CLIC6: variants seen among roughly 807,000 people sequenced by gnomAD.
CLIC6 encodes the protein CLIC family member 6.
CLIC6 carries 39 observed loss-of-function variants against 49.2 expected under a neutral mutation model. The ratio of observed to expected loss-of-function variants is 0.79; its 90% CI spans 0.61 to 1.04. CLIC6 has a LOEUF of 1.04. Among genes scored for constraint, CLIC6 ranks in the 50% least tolerant of loss-of-function variants. The pLI, the probability that CLIC6 is intolerant of heterozygous loss-of-function variation, is 0.00. For synonymous variants in CLIC6, 446 were observed against 433.4 expected (o/e 1.03, Z -0.36); for missense variants, 988 against 993.1 (o/e 0.99, Z 0.07).
At chr21:34,699,085 T>C (rs1484424012) in intron 1 of CLIC6, among the ~76,000 whole-genome samples, 3 of 152,194 alleles carry the variant, frequency 2.0e-5, no homozygotes, top group African/African-American at 7.2e-5. Flanking sequence ...GGCCAGGTTA[T>C]TTAGCATCTC....
intron 1 of CLIC6, among the ~76,000 whole-genome samples, chr21:34,700,446 C>CAAAAAAAA (rs530221942): frequency 9.3e-5 from 6 of 64,768 alleles, no homozygotes; most frequent in African/African-American, 2.6e-4. Context: ...GACTCCGTCT[C>CAAAAAAAA]AAAAAAAAAA....
At chr21:34,697,150 T>C (rs1014127181) in intron 1 of CLIC6, among the ~76,000 whole-genome samples, 2 of 152,124 alleles carry the variant, frequency 1.3e-5, no homozygotes, top group Non-Finnish European at 2.9e-5. Context: ...GTCTGGCCCA[T>C]TTGGGTGGTG....
rs146515216 is a variant in CLIC6, at chr21:34,717,583, C to G, written c.*1101C>G. The stretch of plus-strand genomic sequence containing the variant: ...TGATCTGTGGCTTTGCCTCCACCAT[C>G]CCTAACCAACCTCTCATCACAGCTT... On this transcript the variant is annotated 3_prime_UTR_variant, in exon 6 of 6. Transcript: ENST00000349499. 6.6e-6 allele frequency: 1 copy of G among 152,200 alleles called. No individual in the cohort carries two copies. The highest frequency in any genetic ancestry group is 2.4e-5 in the African/African-American group (1 of 41,440). The allele number at this position is 152,200 out of a possible 1,614,324, so 9.4% of individuals were successfully genotyped here.
intron 1 of CLIC6, among the ~76,000 whole-genome samples, chr21:34,684,939 G>T (rs1267861109): frequency 6.6e-6 from 1 of 152,196 alleles, no homozygotes; most frequent in Non-Finnish European, 1.5e-5. Flanking sequence ...TTGGTTTCCA[G>T]GTGTGAGAGT....
At chr21:34,671,946 C>G (rs1471080767) in intron 1 of CLIC6, among the ~76,000 whole-genome samples, 1 of 152,144 alleles carries the variant, frequency 6.6e-6, no homozygotes, top group Non-Finnish European at 1.5e-5. Flanking sequence ...AGGACACCAG[C>G]CCCTGAGAGG....
At chr21:34,675,557 AC>A (rs1359965149) in intron 1 of CLIC6, among the ~76,000 whole-genome samples, 2 of 152,178 alleles carry the variant, frequency 1.3e-5, no homozygotes, top group African/African-American at 2.4e-5. Flanking sequence ...GTCTTAGAAA[AC>A]CTGCCTACAA....
intron 1 of CLIC6, among the ~76,000 whole-genome samples, chr21:34,702,324 C>G (rs770521208): frequency 6.6e-5 from 10 of 152,118 alleles, no homozygotes; most frequent in Non-Finnish European, 1.3e-4. Context: ...ATCTCTGGGT[C>G]CTGTCTTGAT....
At chr21:34,685,720 A>AT (rs1989864799) in intron 1 of CLIC6, among the ~76,000 whole-genome samples, 1 of 152,178 alleles carries the variant, frequency 6.6e-6, no homozygotes, top group Non-Finnish European at 1.5e-5. Context: ...GGAGGGGGAC[A>AT]TTTTTTTGTT....
At position 34,694,903 on chromosome 21, in the gene CLIC6, A is replaced by G. The variant is rs141837123; in HGVS notation, c.1375-12377A>G. 1.8e-3 allele frequency among the ~76,000 whole-genome samples: 272 copies of G among 152,368 alleles called. 1 individual carries two copies. The highest frequency in any genetic ancestry group is 0.014 in the Middle Eastern group (4 of 294). ...AAATAGGCTAAGTACTACCTGCTTC[A>G]GGGTTTCCTCCCTCTGCAAGTTGAT... is the stretch of plus-strand genomic sequence containing the variant. On this transcript the variant is annotated intron_variant, in intron 1 of 5. Transcript: ENST00000349499.
intron 5 of CLIC6, among the ~76,000 whole-genome samples, chr21:34,711,430 G>T (rs979061750): frequency 6.6e-6 from 1 of 152,094 alleles, no homozygotes; most frequent in Admixed American, 6.5e-5. Context: ...CATTTGGGAG[G>T]CTGAGGCACG....
Position 34,708,809 on chromosome 21 carries a change from G to T in CLIC6, c.1717+3G>T, listed in dbSNP as rs1342578023. The stretch of plus-strand genomic sequence containing the variant: ...CACGAAGAAGGATGCAAATGAGAGT[G>T]AGTACCTCCCATCCTCCTGTTTTGT... On this transcript the variant is annotated splice_donor_region_variant and intron_variant, in intron 4 of 5. Coordinates refer to ENST00000349499, the MANE Select transcript of CLIC6 (RefSeq NM_053277.3). 3.8e-6 allele frequency: 6 copies of T among 1,594,326 alleles called. No individual in the cohort carries two copies. The highest frequency in any genetic ancestry group is 5.2e-6 in the Non-Finnish European group (6 of 1,162,152).
chr21:34,671,091 A>G (rs890961212), intron 1 of CLIC6, among the ~76,000 whole-genome samples: 2 of 147,406 alleles, frequency 1.4e-5, no homozygotes, highest in African/African-American at 2.5e-5. Flanking sequence ...CCTCCTAGTC[A>G]GGAGGTTATT....
intron 3 of CLIC6, among the ~76,000 whole-genome samples, 155 bp downstream of exon 3, chr21:34,708,224 TC>T (rs1489546483): frequency 2.0e-5 from 3 of 152,132 alleles, no homozygotes; most frequent in African/African-American, 7.2e-5. Flanking sequence ...AGATTAGAGT[TC>T]GGGGACCTGG....
chr21:34,681,256 G>C (rs1568959137), intron 1 of CLIC6, among the ~76,000 whole-genome samples: 2 of 152,218 alleles, frequency 1.3e-5, no homozygotes, highest in Non-Finnish European at 2.9e-5. Context: ...AAAGCCATCA[G>C]ATCTCATAAG....
At chr21:34,695,749 T>G (rs1243602822) in intron 1 of CLIC6, among the ~76,000 whole-genome samples, 1 of 152,178 alleles carries the variant, frequency 6.6e-6, no homozygotes, top group Non-Finnish European at 1.5e-5. Context: ...TCTGGGTGCT[T>G]TTATTGAAAG....
intron 1 of CLIC6, among the ~76,000 whole-genome samples, chr21:34,672,830 G>T (rs190191635): frequency 6.6e-6 from 1 of 152,076 alleles, no homozygotes; most frequent in Non-Finnish European, 1.5e-5. Context: ...AAATGGGGAC[G>T]GTAATAGTAC....
intron 1 of CLIC6, among the ~76,000 whole-genome samples, chr21:34,701,676 G>A (rs895687468): frequency 6.6e-6 from 1 of 152,148 alleles, no homozygotes; most frequent in Non-Finnish European, 1.5e-5. Flanking sequence ...TGGCTCCAAC[G>A]CCAGCACCCA....
At chr21:34,707,464 C>T (rs2056023322) in intron 2 of CLIC6, 75 bp downstream of exon 2, 7 of 877,770 alleles carry the variant, frequency 8.0e-6, no homozygotes, top group Admixed American at 7.7e-5. Flanking sequence ...CACACACACA[C>T]ACACACCTGA....
intron 1 of CLIC6, among the ~76,000 whole-genome samples, chr21:34,698,960 A>G (rs965913995): frequency 2.6e-5 from 4 of 152,190 alleles, no homozygotes; most frequent in African/African-American, 7.2e-5. Flanking sequence ...GGTAAAGGGT[A>G]GGGAAGAGTC....
Sources: allele counts gnomAD v4.1 joint callset (sites outside exome capture counted in the v4.1 genomes callset), GRCh38; gene constraint gnomAD v4.1.1; transcripts MANE v1.5; gene names NCBI Gene and HGNC (gene_info 2026-07-23, HGNC 2026-07-21).